The following DENND1A variants were observed in gnomAD, a reference collection of about 807,000 sequenced individuals.
DENND1A encodes the protein DENN domain containing 1A, also known as DENN domain-containing protein 1A.
DENND1A carries 51 observed loss-of-function variants against 113.7 expected under a neutral mutation model. The ratio of observed to expected loss-of-function variants is 0.45; its 90% CI spans 0.36 to 0.57. The LOEUF is 0.57. Ranked by LOEUF, DENND1A falls within the 20% of genes least tolerant of loss-of-function variation. The pLI, the probability that DENND1A is intolerant of heterozygous loss-of-function variation, is 0.00. For missense variants in DENND1A, 1,258 were observed against 1,395.9 expected, an observed-to-expected ratio of 0.90 and a Z score of 1.57; for synonymous variants, 565 against 570.8, an observed-to-expected ratio of 0.99 and a Z score of 0.14.
At chr9:123,429,562 C>A (rs1244162500) in intron 19 of DENND1A, among the ~76,000 whole-genome samples, 2 of 152,026 alleles carry the variant, frequency 1.3e-5, no homozygotes, top group African/African-American at 2.4e-5. Flanking sequence ...CTCAAAAAAA[C>A]AAACAAACAA....
Position 123,385,732 on chromosome 9 carries a change from A to C in DENND1A, c.1761-1819T>G, listed in dbSNP as rs117068495. Among the ~76,000 whole-genome samples, 316 of 152,292 alleles carry C rather than the reference A, an allele frequency of 2.1e-3. 4 individuals are homozygous for C. Among genetic ancestry groups the C allele is most frequent in the South Asian group, 5.0e-3 (24 of 4,814 alleles). On this transcript the variant is annotated intron_variant, in intron 22 of 23. Coordinates refer to ENST00000394215, the MANE Select transcript of DENND1A (RefSeq NM_001352964.2). Reference sequence around the variant, plus strand: ...ACCCCCACCTTATGGATGAGGAATGAAGCTCAGAGATGTTAAATAACTCAC... The same window carrying C: ...ACCCCCACCTTATGGATGAGGAATGCAGCTCAGAGATGTTAAATAACTCAC...
chr9:123,653,390 G>T (rs2062762703), intron 8 of DENND1A, among the ~76,000 whole-genome samples: 1 of 152,180 alleles, frequency 6.6e-6, no homozygotes, highest in Admixed American at 6.5e-5. Flanking sequence ...TATAAAGTCT[G>T]GGAGAGGTCA....
intron 13 of DENND1A, among the ~76,000 whole-genome samples, chr9:123,465,088 G>GGA (rs774469697): frequency 1.6e-4 from 24 of 151,534 alleles, no homozygotes; most frequent in Non-Finnish European, 1.5e-4. Flanking sequence ...GGCTGAGGCA[G>GGA]GAGAATCGCT....
rs572661536 is a variant in DENND1A, at chr9:123,539,805, C to T, written c.993+17765G>A. On this transcript the variant is annotated intron_variant, in intron 13 of 23. Coordinates refer to ENST00000394215, the MANE Select transcript of DENND1A (RefSeq NM_001352964.2). ...GGCTGAGGCAGGAGAACGGCGTGAA[C>T]CCGGGAGGCAGAGCTTGCAGTGAGC... Among the ~76,000 whole-genome samples the T allele has an allele frequency of 1.9e-3, 286 of 151,598 alleles. 3 individuals are homozygous for T. The highest frequency in any genetic ancestry group is 6.4e-3 in the African/African-American group (264 of 41,274).
At position 123,380,511 on chromosome 9, in the gene DENND1A, T is replaced by C. The variant is rs2042222352; in HGVS notation, c.*921A>G. Reference sequence around the variant, plus strand: ...TCCAACCCAGGAAGGCCAGCTGCCTTCCACATCAGTCTGAGGCATTCAGCT... The same window carrying C: ...TCCAACCCAGGAAGGCCAGCTGCCTCCCACATCAGTCTGAGGCATTCAGCT... On this transcript the variant is annotated 3_prime_UTR_variant, in exon 24 of 24. Coordinates refer to ENST00000394215, the MANE Select transcript of DENND1A (RefSeq NM_001352964.2). 1 of 152,422 alleles carries C rather than the reference T, an allele frequency of 6.6e-6. No individual in the cohort carries two copies. The highest frequency in any genetic ancestry group is 2.1e-4 in the South Asian group (1 of 4,828). The allele number at this position is 152,422 out of a possible 1,614,324, so 9.4% of individuals were successfully genotyped here. A position where few individuals can be genotyped will look rare whatever the true frequency, so the allele number is the denominator to read the frequency against.
At chr9:123,392,220 G>A (rs1210621959) in intron 21 of DENND1A, among the ~76,000 whole-genome samples, 1 of 152,190 alleles carries the variant, frequency 6.6e-6, no homozygotes, top group Non-Finnish European at 1.5e-5. Flanking sequence ...TAATGAGGAA[G>A]ATCTGCATCT....
At chr9:123,548,972 G>A (rs1189677148) in intron 13 of DENND1A, among the ~76,000 whole-genome samples, 1 of 152,256 alleles carries the variant, frequency 6.6e-6, no homozygotes, top group African/African-American at 2.4e-5. Flanking sequence ...GATGAAAAAT[G>A]TTGCAAATAG....
At chr9:123,619,619 G>A (rs1392533398) in intron 10 of DENND1A, among the ~76,000 whole-genome samples, 1 of 152,126 alleles carries the variant, frequency 6.6e-6, no homozygotes, top group Non-Finnish European at 1.5e-5. Flanking sequence ...ACATGATTTT[G>A]CCATGTTGCC....
chr9:123,383,761 T>G lies in DENND1A; in HGVS notation c.1913A>C (p.Asn638Thr), dbSNP rs1032943025. ...SIDLLEDVFSNLDMEAALQPL... is the reference protein window; with the variant it reads ...SIDLLEDVFSTLDMEAALQPL... Reference sequence around the variant, plus strand: ...CTGCAGTGCGGCCTCCATGTCCAGGTTGCTGAAGACGTCTTCCAGAAGGTC... The same window carrying G: ...CTGCAGTGCGGCCTCCATGTCCAGGGTGCTGAAGACGTCTTCCAGAAGGTC... The change falls in exon 23 of 24, where the codon AAC becomes ACC. Residue 638 changes from asparagine to threonine, a missense_variant. By Grantham distance (65) the Asn-to-Thr change is moderately conservative. Coordinates refer to ENST00000394215, the MANE Select transcript of DENND1A (RefSeq NM_001352964.2). The G allele has an allele frequency of 1.2e-6, 2 of 1,614,130 alleles. No homozygotes were observed. Among genetic ancestry groups the G allele is most frequent in the Non-Finnish European group, 1.7e-6 (2 of 1,180,036 alleles).
chr9:123,805,875 C>T (rs1306440376), intron 2 of DENND1A, among the ~76,000 whole-genome samples: 4 of 152,202 alleles, frequency 2.6e-5, no homozygotes, highest in Non-Finnish European at 4.4e-5. Flanking sequence ...AATTTATATG[C>T]TACCAATAAG....
At chr9:123,675,827 T>C (rs1054047287) in intron 6 of DENND1A, among the ~76,000 whole-genome samples, 1 of 152,244 alleles carries the variant, frequency 6.6e-6, no homozygotes, top group Admixed American at 6.5e-5. Flanking sequence ...TTGACAAATG[T>C]TTTAAAAATG....
At chr9:123,524,088 A>G (rs1226128540) in intron 13 of DENND1A, among the ~76,000 whole-genome samples, 2 of 152,208 alleles carry the variant, frequency 1.3e-5, no homozygotes, top group African/African-American at 4.8e-5. Flanking sequence ...CACGTAACCC[A>G]GGGTGCTGCC....
intron 13 of DENND1A, among the ~76,000 whole-genome samples, chr9:123,514,812 C>A (rs2053762380): frequency 6.6e-6 from 1 of 152,118 alleles, no homozygotes; most frequent in Admixed American, 6.6e-5. Context: ...AAGGGCCTAG[C>A]ATCAGTAATA....
chr9:123,483,733 G>A (rs866541713), intron 13 of DENND1A, among the ~76,000 whole-genome samples: 5 of 152,226 alleles, frequency 3.3e-5, no homozygotes, highest in African/African-American at 1.2e-4. Context: ...TGACTGTGGG[G>A]AAGTCTTTAG....
In DENND1A at chr9:123,768,798, T is replaced by TA. The variant is rs534848029; in HGVS notation, c.182+715dup. Among the ~76,000 whole-genome samples, 602 of 119,278 alleles carry TA rather than the reference T, an allele frequency of 5.0e-3. 3 individuals carry two copies. The highest frequency in any genetic ancestry group is 5.5e-3 in the Middle Eastern group (1 of 182). The allele number at this position is 119,278 out of a possible 152,430, so 78.3% of individuals were successfully genotyped here. ...TAGTTAATACATTAGTTTTATAAAGTAAAAAAAAAAAACTCCTCTAAAATT... is the reference window on the plus strand; with the variant it reads ...TAGTTAATACATTAGTTTTATAAAGTAAAAAAAAAAAAACTCCTCTAAAATT... On this transcript the variant is annotated intron_variant, in intron 4 of 23. Coordinates refer to ENST00000394215, the MANE Select transcript of DENND1A (RefSeq NM_001352964.2).
chr9:123,558,976 T>C (rs1474267264), intron 12 of DENND1A, among the ~76,000 whole-genome samples: 1 of 152,200 alleles, frequency 6.6e-6, no homozygotes, highest in African/African-American at 2.4e-5. Context: ...CAGGAATGCA[T>C]GTGCCATTGC....
chr9:123,738,443 CTGTGTGTGTGTGTGTGTGTGTGTG>C (rs59851560), intron 5 of DENND1A, among the ~76,000 whole-genome samples: 1 of 143,328 alleles, frequency 7.0e-6, no homozygotes, highest in Non-Finnish European at 1.5e-5. Flanking sequence ...TCAACAGCTT[CTGTGTGTGTGTGTGTGTGTGTGTG>C]TGTGTGTGTG....
At chr9:123,462,002 A>G (rs2048566342) in intron 13 of DENND1A, 1 of 152,236 alleles carries the variant, frequency 6.6e-6, no homozygotes, top group African/African-American at 2.4e-5. Flanking sequence ...AGAAAACATG[A>G]TAAGTGGACA....
intron 9 of DENND1A, among the ~76,000 whole-genome samples, chr9:123,637,621 T>C (rs2061772458): frequency 6.6e-6 from 1 of 152,130 alleles, no homozygotes; most frequent in East Asian, 1.9e-4. Context: ...GTTACTGTAT[T>C]TAGTGGGGGA....
Sources: allele counts gnomAD v4.1 joint callset (sites outside exome capture counted in the v4.1 genomes callset), GRCh38; gene constraint gnomAD v4.1.1; transcripts MANE v1.5; gene names NCBI Gene and HGNC (gene_info 2026-07-23, HGNC 2026-07-21).